CYFIP2: variants seen among roughly 807,000 people sequenced by gnomAD.
CYFIP2 encodes cytoplasmic FMR1-interacting protein 2.
In CYFIP2, 29 loss-of-function variants were observed where a neutral mutation model predicts 158.7. The observed-to-expected ratio is 0.18, with a 90% CI of 0.14 to 0.25. The LOEUF is 0.25. CYFIP2 is among the 10% of genes least tolerant of loss of function. The pLI is 1.00. For missense variants in CYFIP2, 852 were observed against 1,639.5 expected (o/e 0.52, Z 8.29); for synonymous variants, 585 against 617.6 (o/e 0.95, Z 0.78).
intron 23 of CYFIP2, 109 bp downstream of exon 23, chr5:157,341,266 T>G (rs1227889155): frequency 2.9e-6 from 3 of 1,045,592 alleles, no homozygotes; most frequent in African/African-American, 1.6e-5. Context: ...AAGGCAGCAA[T>G]GAGGTCAGGC....
At chr5:157,273,011 C>T (rs1232498346) in intron 1 of CYFIP2, among the ~76,000 whole-genome samples, 1 of 152,076 alleles carries the variant, frequency 6.6e-6, no homozygotes, top group African/African-American at 2.4e-5. Context: ...GGATTACAGG[C>T]GTGTGCTATG....
intron 4 of CYFIP2, 98 bp downstream of exon 4, chr5:157,294,958 T>G: frequency 1.1e-6 from 1 of 942,008 alleles, no homozygotes; most frequent in Non-Finnish European, 1.6e-6. Context: ...TCTTTCCACG[T>G]GGTAGGGAGT....
chr5:157,378,859 A>C (rs1410982636), intron 26 of CYFIP2, among the ~76,000 whole-genome samples: 2 of 152,234 alleles, frequency 1.3e-5, no homozygotes, highest in East Asian at 3.8e-4. Flanking sequence ...GGTTCTAGAG[A>C]CTTGGAGACC....
intron 21 of CYFIP2, among the ~76,000 whole-genome samples, chr5:157,337,864 T>G (rs1761972986): frequency 6.6e-6 from 1 of 152,234 alleles, no homozygotes; most frequent in Non-Finnish European, 1.5e-5. Context: ...TCCAGGGAAC[T>G]GTGTCACAGG....
chr5:157,280,277 A>G (rs1289833366), intron 1 of CYFIP2, among the ~76,000 whole-genome samples: 2 of 151,628 alleles, frequency 1.3e-5, no homozygotes, highest in South Asian at 2.1e-4. Flanking sequence ...GCTCACTGCA[A>G]CCTCTGCCTC....
intron 7 of CYFIP2, 123 bp downstream of exon 7, chr5:157,303,013 C>A: frequency 1.4e-6 from 1 of 724,924 alleles, no homozygotes. Context: ...TCTCCACTGC[C>A]CTACTTGAGA....
At position 157,304,234 on chromosome 5, in the gene CYFIP2, T is replaced by C. The variant is rs1189214982; in HGVS notation, c.667-4T>C. 6.2e-7 allele frequency: 1 copy of C among 1,611,926 alleles called. No individual in the cohort carries two copies. Among genetic ancestry groups the C allele is most frequent in the African/African-American group, 1.3e-5 (1 of 74,840 alleles). ...CCTAACCTGAGGGTGGCGCTGCTGT[T>C]CAGTGTCTCCACCAGCAACTTGAAG... On this transcript the variant is annotated splice_region_variant and splice_polypyrimidine_tract_variant and intron_variant, in intron 7 of 30. Coordinates refer to ENST00000620254, the MANE Select transcript of CYFIP2 (RefSeq NM_001037333.3).
At chr5:157,289,176 A>T (rs1757629050) in intron 3 of CYFIP2, among the ~76,000 whole-genome samples, 1 of 152,310 alleles carries the variant, frequency 6.6e-6, no homozygotes, top group South Asian at 2.1e-4. Context: ...GCCAGTCCTG[A>T]TCTCTTTCTC....
intron 20 of CYFIP2, among the ~76,000 whole-genome samples, chr5:157,332,934 T>A (rs1761585559): frequency 6.6e-6 from 1 of 152,196 alleles, no homozygotes; most frequent in African/African-American, 2.4e-5. Context: ...ATGGGGTTCT[T>A]GTCTGTCCCA....
At chr5:157,301,307 G>A (rs940936064) in intron 6 of CYFIP2, among the ~76,000 whole-genome samples, 8 of 152,138 alleles carry the variant, frequency 5.3e-5, no homozygotes, top group Non-Finnish European at 7.4e-5. Flanking sequence ...GAAAGTCCAG[G>A]TACACCTGCA....
intron 1 of CYFIP2, among the ~76,000 whole-genome samples, chr5:157,284,312 C>T (rs1303305916): frequency 1.4e-4 from 22 of 152,170 alleles, no homozygotes. Context: ...AAGATCTTAT[C>T]ATTTCTATTT....
chr5:157,288,650 A>G (rs1275059307), intron 3 of CYFIP2: 2 of 455,768 alleles, frequency 4.4e-6, no homozygotes, highest in East Asian at 7.0e-5. Flanking sequence ...CCTGACATCA[A>G]CCCTGTGAGG....
chr5:157,289,407 A>G (rs1166035685), intron 3 of CYFIP2, among the ~76,000 whole-genome samples: 1 of 152,238 alleles, frequency 6.6e-6, no homozygotes, highest in African/African-American at 2.4e-5. Context: ...GGATACCTTA[A>G]CAAAGTGCCA....
At chr5:157,360,549 T>G (rs1763737712) in intron 25 of CYFIP2, among the ~76,000 whole-genome samples, 177 bp downstream of exon 25, 1 of 152,230 alleles carries the variant, frequency 6.6e-6, no homozygotes, top group African/African-American at 2.4e-5. Flanking sequence ...GTTATCATCT[T>G]GTCAGTGTAG....
At chr5:157,267,595 T>C (rs934716398) in intron 1 of CYFIP2, among the ~76,000 whole-genome samples, 12 of 152,300 alleles carry the variant, frequency 7.9e-5, no homozygotes, top group African/African-American at 2.9e-4. Context: ...GTGTCAGAAA[T>C]GGTTTTCAAG....
chr5:157,346,393 A>T (rs1405165498), intron 23 of CYFIP2, among the ~76,000 whole-genome samples: 1 of 152,204 alleles, frequency 6.6e-6, no homozygotes, highest in African/African-American at 2.4e-5. Flanking sequence ...GGATCTCAAG[A>T]TGAAATCTTC....
chr5:157,389,158 A>G (rs1360482305), intron 28 of CYFIP2, 31 bp from the exon 29 acceptor site: 1 of 1,572,528 alleles, frequency 6.4e-7, no homozygotes, highest in South Asian at 1.2e-5. Flanking sequence ...TAAGATGTGG[A>G]TAGAAGGTGT....
At chr5:157,362,362 G>T (rs1028779507) in intron 26 of CYFIP2, among the ~76,000 whole-genome samples, 3 of 152,174 alleles carry the variant, frequency 2.0e-5, no homozygotes, top group African/African-American at 7.2e-5. Flanking sequence ...TTCTGAAAAA[G>T]AACTCTGGTT....
chr5:157,312,168 A>G (rs1759778504), intron 11 of CYFIP2, among the ~76,000 whole-genome samples: 1 of 152,028 alleles, frequency 6.6e-6, no homozygotes, highest in Non-Finnish European at 1.5e-5. Flanking sequence ...AAAACAGAAC[A>G]CTCGTACTCA....
Sources: allele counts gnomAD v4.1 joint callset (sites outside exome capture counted in the v4.1 genomes callset), GRCh38; gene constraint gnomAD v4.1.1; transcripts MANE v1.5; gene names NCBI Gene and HGNC (gene_info 2026-07-23, HGNC 2026-07-21).